The following CDKL1 variants were observed in gnomAD, a reference collection of about 807,000 sequenced individuals.
CDKL1 encodes the protein cyclin-dependent kinase-like 1.
A neutral mutation model predicts 42.0 loss-of-function variants in CDKL1; 41 were observed. The ratio of observed to expected loss-of-function variants is 0.98; its 90% CI spans 0.76 to 1.27. The LOEUF is 1.27. Ranked by LOEUF, CDKL1 falls within the 50% of genes most tolerant of loss-of-function variation. The pLI is 0.00. For missense variants in CDKL1, 394 were observed against 428.4 expected (o/e 0.92, Z 0.71); for synonymous variants, 153 against 158.6 (o/e 0.96, Z 0.26).
In CDKL1 at chr14:50,328,970, CTG is replaced by C. The variant is rs1218180137; in HGVS notation, c.*1102_*1103del. The stretch of plus-strand genomic sequence containing the variant: ...GTGTGTGTCATCATTTTAAGTCTCA[CTG>C]TGCAAAGCTATGAGTCCTCAATACT... On this transcript the variant is annotated 3_prime_UTR_variant, in exon 10 of 10. Coordinates refer to ENST00000395834, the MANE Select transcript of CDKL1 (RefSeq NM_004196.7). The C allele has an allele frequency of 6.7e-6, 1 of 149,586 alleles. No homozygotes were observed. The highest frequency in any genetic ancestry group is 1.5e-5 in the Non-Finnish European group (1 of 67,608). The allele number at this position is 149,586 out of a possible 1,614,324, so 9.3% of individuals were successfully genotyped here. A position where few individuals can be genotyped will look rare whatever the true frequency, so the allele number is the denominator to read the frequency against.
intron 2 of CDKL1, chr14:50,390,045 G>T: frequency 1.5e-6 from 1 of 674,716 alleles, no homozygotes; most frequent in Non-Finnish European, 2.6e-6. Context: ...TACCTTCTAA[G>T]GTTGTTATTA....
At chr14:50,350,255 G>A (rs1187445644) in intron 3 of CDKL1, among the ~76,000 whole-genome samples, 1 of 152,200 alleles carries the variant, frequency 6.6e-6, no homozygotes, top group Non-Finnish European at 1.5e-5. Context: ...AGCAAGGCTA[G>A]GGAACTCATT....
chr14:50,338,559 A>G (rs946958617), intron 7 of CDKL1, among the ~76,000 whole-genome samples: 2 of 152,122 alleles, frequency 1.3e-5, no homozygotes, highest in African/African-American at 2.4e-5. Flanking sequence ...GATTTTTCCC[A>G]TGGTCTGGAG....
At chr14:50,390,743 G>GAGTTCA (rs2035233183) in intron 2 of CDKL1, among the ~76,000 whole-genome samples, 1 of 152,224 alleles carries the variant, frequency 6.6e-6, no homozygotes, top group Admixed American at 6.5e-5. Context: ...GGGCTGCATG[G>GAGTTCA]AGTTCAAGTG....
rs531877599 is a variant in CDKL1, at chr14:50,341,858, T to C, written c.454+274A>G. Among the ~76,000 whole-genome samples the C allele has an allele frequency of 1.3e-3, 192 of 152,260 alleles. 1 individual carries two copies. Among genetic ancestry groups the C allele is most frequent in the Middle Eastern group, 0.01 (3 of 290 alleles). On this transcript the variant is annotated intron_variant, in intron 5 of 9. Coordinates refer to ENST00000395834, the MANE Select transcript of CDKL1 (RefSeq NM_004196.7). ...AAAGCCACTATTCTAAAGTAGCACT[T>C]CTGAAAAGTATTTTAGCAAGAAATG...
intron 3 of CDKL1, among the ~76,000 whole-genome samples, chr14:50,349,960 G>C (rs1355085722): frequency 2.0e-5 from 3 of 152,148 alleles, no homozygotes; most frequent in Non-Finnish European, 4.4e-5. Context: ...GTAGAGATGG[G>C]GTTTCGCCAC....
At chr14:50,338,480 A>C (rs915489905) in intron 7 of CDKL1, among the ~76,000 whole-genome samples, 1 of 152,142 alleles carries the variant, frequency 6.6e-6, no homozygotes, top group Non-Finnish European at 1.5e-5. Flanking sequence ...TCTCCTGCCC[A>C]TCTCGGCCTC....
At chr14:50,362,926 T>C (rs535740883) in intron 2 of CDKL1, 26 of 460,280 alleles carry the variant, frequency 5.6e-5, no homozygotes, top group African/African-American at 4.4e-4. Context: ...CTTTGTTCTT[T>C]CACTCTTTGC....
intron 2 of CDKL1, among the ~76,000 whole-genome samples, chr14:50,375,085 C>T (rs1264931884): frequency 1.3e-5 from 2 of 151,918 alleles, no homozygotes; most frequent in Non-Finnish European, 2.9e-5. Context: ...GCACATGTAT[C>T]CCGGAACTTA....
chr14:50,370,625 C>T (rs2139486522), intron 2 of CDKL1, among the ~76,000 whole-genome samples: 1 of 152,284 alleles, frequency 6.6e-6, no homozygotes. Context: ...GTTTAATTAG[C>T]TCATGGTTCT....
Position 50,329,824 on chromosome 14 carries a change from G to A in CDKL1, c.*250C>T. ...AGTTCATATTCTGTCCATAAGTTCG[G>A]CTACTTACATAAACTGAAATACAAG... On this transcript the variant is annotated 3_prime_UTR_variant, in exon 10 of 10. Coordinates refer to ENST00000395834, the MANE Select transcript of CDKL1 (RefSeq NM_004196.7). The A allele has an allele frequency of 2.3e-6, 1 of 425,686 alleles. No homozygotes were observed. The highest frequency in any genetic ancestry group is 4.2e-6 in the Non-Finnish European group (1 of 237,944). The allele number at this position is 425,686 out of a possible 1,614,324, so 26.4% of individuals were successfully genotyped here.
At position 50,373,470 on chromosome 14, in the gene CDKL1, AG is replaced by A. The variant is rs535329743; in HGVS notation, c.169-14322del. 1.2e-4 allele frequency among the ~76,000 whole-genome samples: 19 copies of A among 152,348 alleles called. No homozygotes were observed. The South Asian group carries it at 3.9e-3, about 32-fold the overall frequency. On this transcript the variant is annotated intron_variant, in intron 2 of 9. Transcript: ENST00000395834. ...CAAACACGCAAGATTGGCAGCATCCAGTGCTGACAAGGGCATAGGGAAAGGG... is the reference window on the plus strand; with the variant it reads ...CAAACACGCAAGATTGGCAGCATCCATGCTGACAAGGGCATAGGGAAAGGG...
At chr14:50,361,283 T>G (rs1235359953) in intron 2 of CDKL1, among the ~76,000 whole-genome samples, 1 of 152,226 alleles carries the variant, frequency 6.6e-6, no homozygotes, top group African/African-American at 2.4e-5. Context: ...TCTTTTTTCT[T>G]TCCTCATTTT....
chr14:50,349,828 G>A (rs1486754430), intron 3 of CDKL1, among the ~76,000 whole-genome samples: 1 of 152,086 alleles, frequency 6.6e-6, no homozygotes, highest in Admixed American at 6.5e-5. Flanking sequence ...GAGTGCAGTG[G>A]TGCTATCTTG....
At chr14:50,375,901 A>T (rs1209682008) in intron 2 of CDKL1, among the ~76,000 whole-genome samples, 1 of 152,168 alleles carries the variant, frequency 6.6e-6, no homozygotes, top group South Asian at 2.1e-4. Flanking sequence ...GAAAAAACAG[A>T]CAAATTCCAA....
intron 2 of CDKL1, among the ~76,000 whole-genome samples, chr14:50,382,220 A>G (rs2034928987): frequency 6.6e-6 from 1 of 152,164 alleles, no homozygotes; most frequent in South Asian, 2.1e-4. Flanking sequence ...TGGGAGGCCG[A>G]GGCAGGCGGA....
chr14:50,339,198 C>G (rs1334319567), intron 6 of CDKL1, among the ~76,000 whole-genome samples, 169 bp from the exon 7 acceptor site: 1 of 152,084 alleles, frequency 6.6e-6, no homozygotes, highest in African/African-American at 2.4e-5. Context: ...CTGTATTGAT[C>G]CCTACGGTGG....
chr14:50,395,809 T>C lies in CDKL1; in HGVS notation c.60A>G (p.Lys20=), dbSNP rs763834583. Residue 20 remains lysine, a synonymous_variant, in exon 2 of 10, where the codon AAA becomes AAG. Transcript: ENST00000395834. ...TCTGACCCGTGTCCCTGTTTCTACA[T>C]TTGAAAACAACTCCATAGGATCCTT... The part of the protein sequence containing the change: ...IGEGSYGVVF[K]CRNRDTGQIV... The C allele has an allele frequency of 4.9e-5, 79 of 1,612,690 alleles. No homozygotes were observed. Among genetic ancestry groups the C allele is most frequent in the Non-Finnish European group, 6.4e-5 (75 of 1,178,740 alleles).
At chr14:50,364,423 T>C (rs947381203) in intron 2 of CDKL1, among the ~76,000 whole-genome samples, 1 of 152,222 alleles carries the variant, frequency 6.6e-6, no homozygotes, top group Admixed American at 6.5e-5. Flanking sequence ...GAGCCCAGAT[T>C]GTGCCACTGC....
Sources: allele counts gnomAD v4.1 joint callset (sites outside exome capture counted in the v4.1 genomes callset), GRCh38; gene constraint gnomAD v4.1.1; transcripts MANE v1.5; gene names NCBI Gene and HGNC (gene_info 2026-07-23, HGNC 2026-07-21).